The following SMG6 variants were observed in gnomAD, a reference collection of about 807,000 sequenced individuals.
SMG6 encodes the protein SMG6 nonsense mediated mRNA decay factor.
Under a neutral mutation model 142.2 loss-of-function variants are expected in SMG6, and 66 were observed. The ratio of observed to expected loss-of-function variants is 0.46; its 90% CI spans 0.38 to 0.57. The LOEUF (loss-of-function observed/expected upper bound fraction) is 0.57, where lower values mean the gene tolerates loss of function less well. Among genes scored for constraint, SMG6 ranks in the 20% least tolerant of loss-of-function variants. The pLI, the probability that SMG6 is intolerant of heterozygous loss-of-function variation, is 0.00. For synonymous variants in SMG6, 779 were observed against 702.4 expected, an observed-to-expected ratio of 1.11 and a Z score of -1.72; for missense variants, 1,793 against 1,832.0, an observed-to-expected ratio of 0.98 and a Z score of 0.39.
At chr17:2,162,002 C>G (rs1158252710) in intron 13 of SMG6, among the ~76,000 whole-genome samples, 3 of 152,164 alleles carry the variant, frequency 2.0e-5, no homozygotes, top group Non-Finnish European at 4.4e-5. Flanking sequence ...ATGTGTAAGG[C>G]TCCCTGAGAT....
In SMG6 at chr17:2,299,092, T is replaced by A. The variant is rs1159336724; in HGVS notation, c.1661A>T (p.Tyr554Phe). ...YPGYPTPSGQ[Y>F]VCSPLPTSTM... Reference sequence around the variant, plus strand: ...GCTGGTAGGTAGAGGGCTACACACATACTGTCCTGACGGAGTCGGGTAGCC... The same window carrying A: ...GCTGGTAGGTAGAGGGCTACACACAAACTGTCCTGACGGAGTCGGGTAGCC... The change falls in exon 2 of 19, where the codon TAT (tyrosine) becomes TTT (phenylalanine). Residue 554 changes from tyrosine (Y) to phenylalanine (F), a missense_variant. Around this residue, in one of 3 missense-constraint regions of SMG6, gnomAD observed 1,597 missense variants for 1,584.6 expected, o/e 1.01. Coordinates refer to ENST00000263073, the MANE Select transcript of SMG6 (RefSeq NM_017575.5). The surrounding 1 kb of genome is among the most constrained non-coding windows in gnomAD (Gnocchi z 4.3). 3.1e-6 allele frequency: 5 copies of A among 1,614,140 alleles called. No homozygotes were observed. Among genetic ancestry groups the A allele is most frequent in the Non-Finnish European group, 3.4e-6 (4 of 1,180,020 alleles).
rs866520747 is a variant in SMG6 at position 2,237,528 on chromosome 17, G to A, written c.2724-891C>T. ...CCCCAGTCATCTGTCTCAGTTCTTC[G>A]TGTGTTGCCGTCCTCCTCCCTCTCA... is the stretch of plus-strand genomic sequence containing the variant. On this transcript the variant is annotated intron_variant, in intron 9 of 18. Transcript: ENST00000263073. 1.3e-4 allele frequency: 125 copies of A among 985,306 alleles called. 1 individual carries two copies. Among genetic ancestry groups the A allele is most frequent in the Non-Finnish European group, 1.4e-4 (118 of 829,980 alleles). 61.0% of individuals were successfully genotyped at this position (985,306 alleles called of 1,614,324 possible).
chr17:2,298,889 A>G lies in SMG6; in HGVS notation c.1847+17T>C, dbSNP rs374303368. ...CTGATCCCCATTTCCCTCCAGCCAG[A>G]ATAGACCACATCATACCTGAGTTGC... On this transcript the variant is annotated intron_variant, in intron 2 of 18. Coordinates refer to ENST00000263073, the MANE Select transcript of SMG6 (RefSeq NM_017575.5). 2 of 1,603,944 alleles carry G rather than the reference A, an allele frequency of 1.2e-6. No homozygotes were observed. The highest frequency in any genetic ancestry group is 1.7e-6 in the Non-Finnish European group (2 of 1,174,340).
In SMG6 at chr17:2,289,078, C is replaced by CAAA. The variant is rs34494754; in HGVS notation, c.2337+3471_2337+3473dup. Among the ~76,000 whole-genome samples the CAAA allele has an allele frequency of 9.6e-3, 845 of 87,912 alleles. 10 individuals are homozygous for CAAA. Among genetic ancestry groups the CAAA allele is most frequent in the African/African-American group, 0.036 (779 of 21,930 alleles). The allele number at this position is 87,912 out of a possible 152,430, so 57.7% of individuals were successfully genotyped here. A position where few individuals can be genotyped will look rare whatever the true frequency, so the allele number is the denominator to read the frequency against. On this transcript the variant is annotated intron_variant, in intron 6 of 18. Coordinates refer to ENST00000263073, the MANE Select transcript of SMG6 (RefSeq NM_017575.5). ...TGGGCAACAGAGCAAGACTCTGTCT[C>CAAA]AAAAAAAAAAAAAAAAAAAAAATTA...
At chr17:2,155,197 G>A (rs2070963893) in intron 13 of SMG6, among the ~76,000 whole-genome samples, 1 of 151,916 alleles carries the variant, frequency 6.6e-6, no homozygotes, top group African/African-American at 2.4e-5. Context: ...GGATTACTGG[G>A]ATTACAGGTG....
chr17:2,236,701 TCA>T (rs71150853), intron 9 of SMG6, 64 bp from the exon 10 acceptor site: 32,363 of 953,608 alleles, frequency 0.034, 517 homozygotes, highest in East Asian at 0.07. Flanking sequence ...TCACTCTGTC[TCA>T]CACACACACA....
chr17:2,236,701 T>TCTCTCACACACACA (rs1161732926), intron 9 of SMG6, 64 bp from the exon 10 acceptor site: 2 of 914,350 alleles, frequency 2.2e-6, no homozygotes, highest in Admixed American at 2.8e-5. Context: ...TCACTCTGTC[T>TCTCTCACACACACA]CACACACACA....
intron 4 of SMG6, among the ~76,000 whole-genome samples, chr17:2,295,744 T>A (rs2075130393): frequency 6.6e-6 from 1 of 152,082 alleles, no homozygotes; most frequent in Non-Finnish European, 1.5e-5. Flanking sequence ...TCTCCTGACC[T>A]CCAGAGAGAC....
intron 8 of SMG6, among the ~76,000 whole-genome samples, chr17:2,267,455 C>T (rs1169009400): frequency 6.6e-6 from 1 of 152,106 alleles, no homozygotes; most frequent in South Asian, 2.1e-4. Context: ...GCCTCAGCCT[C>T]CCAATGTGCC....
chr17:2,250,821 A>G (rs2074030081), intron 8 of SMG6, among the ~76,000 whole-genome samples: 1 of 152,136 alleles, frequency 6.6e-6, no homozygotes, highest in East Asian at 1.9e-4. Context: ...ACAGCATTCA[A>G]TCAAAGCCCA....
At chr17:2,178,151 C>T (rs984208943) in intron 12 of SMG6, among the ~76,000 whole-genome samples, 1 of 152,130 alleles carries the variant, frequency 6.6e-6, no homozygotes, top group Non-Finnish European at 1.5e-5. Context: ...TTGCATTGGG[C>T]GAAGGATTTG....
chr17:2,105,036 C>T (rs1372690607), intron 13 of SMG6, among the ~76,000 whole-genome samples: 1 of 151,666 alleles, frequency 6.6e-6, no homozygotes, highest in Non-Finnish European at 1.5e-5. Context: ...CCCACTTCAG[C>T]CTCCTGAACA....
intron 8 of SMG6, 73 bp from the exon 9 acceptor site, chr17:2,244,792 G>A (rs976787976): frequency 9.3e-6 from 12 of 1,292,224 alleles, no homozygotes; most frequent in South Asian, 3.6e-5. Context: ...AGAGTCCCCA[G>A]TGACACAATA....
intron 5 of SMG6, 96 bp downstream of exon 5, chr17:2,292,775 G>T: frequency 7.2e-7 from 1 of 1,384,504 alleles, no homozygotes; most frequent in South Asian, 1.2e-5. Flanking sequence ...GACCAATAGG[G>T]ACACCTGTAC....
chr17:2,117,403 C>A (rs1171089548), intron 13 of SMG6, among the ~76,000 whole-genome samples: 1 of 151,714 alleles, frequency 6.6e-6, no homozygotes, highest in Non-Finnish European at 1.5e-5. Flanking sequence ...ACAAAAAATC[C>A]CAAATAATGC....
At chr17:2,208,798 T>C (rs981909982) in intron 10 of SMG6, among the ~76,000 whole-genome samples, 21 of 152,222 alleles carry the variant, frequency 1.4e-4, no homozygotes, top group African/African-American at 2.7e-4. Flanking sequence ...TCACTGTTGA[T>C]ATAGTTTGGA....
chr17:2,280,411 C>G (rs1052564238), intron 8 of SMG6: 1 of 159,850 alleles, frequency 6.3e-6, no homozygotes, highest in South Asian at 2.0e-4. Flanking sequence ...TACAGGAGTG[C>G]GCTGCCACGC....
intron 13 of SMG6, among the ~76,000 whole-genome samples, chr17:2,133,118 G>A (rs1443067931): frequency 6.6e-6 from 1 of 152,090 alleles, no homozygotes. Flanking sequence ...GGTGGCGCAT[G>A]CCTGTAGTCC....
chr17:2,302,938 C>T (rs946290464), intron 1 of SMG6: 1 of 981,904 alleles, frequency 1.0e-6, no homozygotes, highest in African/African-American at 1.7e-5. Context: ...CTAGAGAAGG[C>T]ACCTATCACA....
Sources: gnomAD v4.1 joint callset for allele counts (sites outside exome capture counted in the v4.1 genomes callset) on GRCh38, gnomAD v4.1.1 for gene constraint, gnomAD v4.1.1 regional missense constraint, Gnocchi (gnomAD v3.1) non-coding constraint, MANE v1.5 for transcripts, NCBI Gene and HGNC (gene_info 2026-07-23, HGNC 2026-07-21) for gene names.